The following ANKRD11 variants were observed in gnomAD, a reference collection of about 807,000 sequenced individuals.
ANKRD11 encodes the protein ankyrin repeat domain 11.
Under a neutral mutation model 195.7 loss-of-function variants are expected in ANKRD11, and 17 were observed. That is an observed-to-expected ratio of 0.09 (90% CI 0.06 to 0.13). ANKRD11 has a LOEUF of 0.13. ANKRD11 is among the 10% of genes least tolerant of loss of function. The pLI is 1.00. For missense variants in ANKRD11, 3,735 were observed against 3,566.1 expected (o/e 1.05, Z -1.21); for synonymous variants, 1,953 against 1,528.1 (o/e 1.28, Z -6.49).
chr16:89,426,261 A>G (rs1031555345), intron 1 of ANKRD11, among the ~76,000 whole-genome samples: 2 of 152,314 alleles, frequency 1.3e-5, no homozygotes, highest in Admixed American at 1.3e-4. Context: ...AAATTAGAGG[A>G]GGACAAAGGC....
chr16:89,316,023 G>A (rs976326860), intron 3 of ANKRD11, among the ~76,000 whole-genome samples: 2 of 152,150 alleles, frequency 1.3e-5, no homozygotes, highest in Non-Finnish European at 2.9e-5. Context: ...AGGGACCACC[G>A]AGGGTCAGAC....
At chr16:89,446,644 C>G (rs547462351) in intron 1 of ANKRD11, among the ~76,000 whole-genome samples, 2 of 152,294 alleles carry the variant, frequency 1.3e-5, no homozygotes, top group Middle Eastern at 3.4e-3. Flanking sequence ...AGACTCAATT[C>G]TGGCTGCCAG....
chr16:89,420,856 T>C (rs2042482359), intron 1 of ANKRD11, among the ~76,000 whole-genome samples: 2 of 152,176 alleles, frequency 1.3e-5, no homozygotes, highest in African/African-American at 4.8e-5. Flanking sequence ...AAAGACATTT[T>C]CTAAGGTGTG....
At chr16:89,472,889 G>A (rs2057135050) in intron 1 of ANKRD11, among the ~76,000 whole-genome samples, 1 of 152,172 alleles carries the variant, frequency 6.6e-6, no homozygotes, top group Non-Finnish European at 1.5e-5. Flanking sequence ...TCAACCATGA[G>A]ATCAAGAGGC....
chr16:89,301,501 C>T, intron 4 of ANKRD11: 1 of 398,648 alleles, frequency 2.5e-6, no homozygotes, highest in Admixed American at 4.4e-5. Context: ...CTAGAAGTCC[C>T]AGGGCAAGCT....
intron 1 of ANKRD11, among the ~76,000 whole-genome samples, chr16:89,439,217 A>G (rs1404239803): frequency 1.3e-5 from 2 of 152,190 alleles, no homozygotes; most frequent in East Asian, 3.8e-4. Flanking sequence ...CACTGTTTTC[A>G]GTAAACTGAA....
chr16:89,468,127 A>T (rs1371488921), intron 1 of ANKRD11, among the ~76,000 whole-genome samples: 1 of 152,162 alleles, frequency 6.6e-6, no homozygotes, highest in African/African-American at 2.4e-5. Context: ...ACTTTATGAC[A>T]CTGTAATCAT....
At position 89,268,451 on chromosome 16, in the gene ANKRD11, C is replaced by T. The variant is rs2032822801; in HGVS notation, c.*27G>A. On this transcript the variant is annotated 3_prime_UTR_variant, in exon 13 of 13. Coordinates refer to ENST00000301030, the MANE Select transcript of ANKRD11 (RefSeq NM_013275.6). Reference sequence around the variant, plus strand: ...GTCCTGGGCAGCCGTGCGGCCCTCGCCTGCGTCCTGCGGCCGTCCCGCGGT... The same window carrying T: ...GTCCTGGGCAGCCGTGCGGCCCTCGTCTGCGTCCTGCGGCCGTCCCGCGGT... 1 of 1,060,864 alleles carries T rather than the reference C, an allele frequency of 9.4e-7. No individual in the cohort carries two copies. Among genetic ancestry groups the T allele is most frequent in the Non-Finnish European group, 1.4e-6 (1 of 735,422 alleles). 65.7% of individuals were successfully genotyped at this position (1,060,864 alleles called of 1,614,324 possible).
intron 1 of ANKRD11, among the ~76,000 whole-genome samples, chr16:89,420,595 G>T (rs373871040): frequency 1.3e-3 from 203 of 152,278 alleles, no homozygotes; most frequent in African/African-American, 4.7e-3. Flanking sequence ...AAGCAAGTTG[G>T]GAAGAGAAAA....
At chr16:89,384,580 C>A (rs972344318) in intron 2 of ANKRD11, among the ~76,000 whole-genome samples, 1 of 151,654 alleles carries the variant, frequency 6.6e-6, no homozygotes, top group Non-Finnish European at 1.5e-5. Flanking sequence ...TGGGACGGGA[C>A]GGGATGGGGC....
At chr16:89,336,649 C>A (rs3096320) in intron 2 of ANKRD11, among the ~76,000 whole-genome samples, 54,029 of 152,030 alleles carry the variant, frequency 0.36, 11,389 homozygotes, top group Middle Eastern at 0.53. Context: ...GCACCACACC[C>A]CCCGGGTGGG....
At chr16:89,371,763 C>T (rs1281533968) in intron 2 of ANKRD11, among the ~76,000 whole-genome samples, 1 of 152,162 alleles carries the variant, frequency 6.6e-6, no homozygotes, top group Non-Finnish European at 1.5e-5. Context: ...CTCAGGATGA[C>T]GGAGAGGAGA....
At chr16:89,413,433 A>G (rs566066665) in intron 2 of ANKRD11, among the ~76,000 whole-genome samples, 1 of 152,048 alleles carries the variant, frequency 6.6e-6, no homozygotes, top group Non-Finnish European at 1.5e-5. Flanking sequence ...ACACCATCCT[A>G]GCTAACACGA....
chr16:89,488,699 G>A (rs189281803), intron 1 of ANKRD11, among the ~76,000 whole-genome samples: 1 of 152,206 alleles, frequency 6.6e-6, no homozygotes, highest in Admixed American at 6.5e-5. Context: ...TTATATGTTT[G>A]GCTAAGTCTC....
chr16:89,364,580 G>A (rs2152065729), intron 2 of ANKRD11, among the ~76,000 whole-genome samples: 2 of 152,270 alleles, frequency 1.3e-5, no homozygotes, highest in South Asian at 4.1e-4. Context: ...CCAATCTTTT[G>A]ACCTCCCTGG....
chr16:89,461,986 T>C (rs974822274), intron 1 of ANKRD11, among the ~76,000 whole-genome samples: 2 of 151,900 alleles, frequency 1.3e-5, no homozygotes, highest in Non-Finnish European at 2.9e-5. Context: ...TATACTTCCG[T>C]CTGTCACGAG....
At chr16:89,366,340 T>A (rs1010811888) in intron 2 of ANKRD11, among the ~76,000 whole-genome samples, 4 of 152,200 alleles carry the variant, frequency 2.6e-5, no homozygotes, top group African/African-American at 9.6e-5. Flanking sequence ...TCTGGGTATA[T>A]ACCCAGTAAT....
chr16:89,279,998 C>T lies in ANKRD11; in HGVS notation c.6544G>A (p.Val2182Ile), dbSNP rs762590968. The change falls in exon 9 of 13, where the codon GTA becomes ATA. Residue 2182 changes from valine to isoleucine, a missense_variant. Transcript: ENST00000301030. The surrounding 1 kb of genome is among the most constrained non-coding windows in gnomAD (Gnocchi z 5.6). ...AGTGCCGGCGGCTCCTCAGCCACTA[C>T]GGTGGAAACATCCCCACCGTTTATG... ...GVINGGDVST[V>I]VAEEPPALPP... The T allele has an allele frequency of 3.2e-5, 52 of 1,612,000 alleles. No individual in the cohort carries two copies. The highest frequency in any genetic ancestry group is 4.2e-5 in the Non-Finnish European group (50 of 1,179,918).
chr16:89,270,245 G>A (rs887982087), intron 12 of ANKRD11: 64 of 197,970 alleles, frequency 3.2e-4, no homozygotes, highest in Non-Finnish European at 2.8e-4. Flanking sequence ...GGACCTGGGT[G>A]GTGCTGAGCC....
Sources: allele counts gnomAD v4.1 joint callset (sites outside exome capture counted in the v4.1 genomes callset), GRCh38; gene constraint gnomAD v4.1.1; non-coding constraint Gnocchi (gnomAD v3.1); transcripts MANE v1.5; gene names NCBI Gene and HGNC (gene_info 2026-07-23, HGNC 2026-07-21).